Variants in STAG1 observed in about 807,000 individuals in gnomAD.
The protein encoded by STAG1 is cohesin subunit SA-1.
STAG1 carries 26 observed loss-of-function variants against 170.9 expected under a neutral mutation model. The ratio of observed to expected loss-of-function variants is 0.15; its 90% CI spans 0.11 to 0.21. The LOEUF is 0.21. STAG1 is among the 10% of genes least tolerant of loss of function. The pLI is 1.00. For synonymous variants in STAG1, 514 were observed against 497.7 expected, an observed-to-expected ratio of 1.03 and a Z score of -0.44; for missense variants, 964 against 1,509.5, an observed-to-expected ratio of 0.64 and a Z score of 5.99.
At chr3:136,348,660 G>C (rs1256593136) in intron 29 of STAG1, 1 of 152,852 alleles carries the variant, frequency 6.5e-6, no homozygotes, top group Non-Finnish European at 1.5e-5. Flanking sequence ...CTCCTTCCTT[G>C]GTCTCCTGAG....
At chr3:136,504,092 G>A (rs555186081) in intron 7 of STAG1, among the ~76,000 whole-genome samples, 3 of 151,858 alleles carry the variant, frequency 2.0e-5, no homozygotes, top group Non-Finnish European at 4.4e-5. Flanking sequence ...CATATAGTAT[G>A]TATGTATGCT....
intron 9 of STAG1, among the ~76,000 whole-genome samples, chr3:136,495,086 C>T (rs761942496): frequency 3.3e-5 from 5 of 152,154 alleles, no homozygotes; most frequent in African/African-American, 4.8e-5. Context: ...AAAGCATACT[C>T]AATGCAGGTG....
At chr3:136,666,686 G>C (rs1019341515) in intron 1 of STAG1, among the ~76,000 whole-genome samples, 7 of 152,054 alleles carry the variant, frequency 4.6e-5, no homozygotes, top group African/African-American at 1.7e-4. Context: ...AAGGCATGGT[G>C]GTGGGCACCT....
At position 136,339,998 on chromosome 3, in the gene STAG1, A is replaced by C. The variant is rs535788006; in HGVS notation, c.3672+493T>G. Among the ~76,000 whole-genome samples, 5 of 152,312 alleles carry C rather than the reference A, an allele frequency of 3.3e-5. No homozygotes were observed. The East Asian group carries it at 9.6e-4, about 29-fold the overall frequency. Reference sequence around the variant, plus strand: ...CTCTCTTCAAAGAAGGTAAAAAGAAAGAACCAGTTTCTGTTATTATCAGAA... The same window carrying C: ...CTCTCTTCAAAGAAGGTAAAAAGAACGAACCAGTTTCTGTTATTATCAGAA... On this transcript the variant is annotated intron_variant, in intron 32 of 33. Transcript: ENST00000383202.
At chr3:136,419,255 T>A (rs1318781241) in intron 20 of STAG1, among the ~76,000 whole-genome samples, 5 of 152,084 alleles carry the variant, frequency 3.3e-5, no homozygotes, top group Admixed American at 6.6e-5. Flanking sequence ...CTAAAAAAAA[T>A]TTACTTGTAT....
chr3:136,427,259 T>C (rs923777352), intron 16 of STAG1, among the ~76,000 whole-genome samples: 1 of 151,884 alleles, frequency 6.6e-6, no homozygotes, highest in African/African-American at 2.4e-5. Context: ...GTATTAATCA[T>C]AACTGTACAG....
chr3:136,342,247 C>T (rs1429763946), intron 30 of STAG1, among the ~76,000 whole-genome samples: 10 of 152,030 alleles, frequency 6.6e-5, no homozygotes, highest in Admixed American at 5.9e-4. Flanking sequence ...TCTCGATCTC[C>T]TGACCTTGTG....
In STAG1 at chr3:136,404,690, C is replaced by G. The variant is rs2087426008; in HGVS notation, c.2197-5861G>C. ...TTTATCTCTGACTAGCTGGCTGAAT[C>G]AGTGAGAATCATTCAGCTTGTGGCT... On this transcript the variant is annotated intron_variant, in intron 21 of 33. Transcript: ENST00000383202. Among the ~76,000 whole-genome samples, 6 of 152,160 alleles carry G rather than the reference C, an allele frequency of 3.9e-5. No individual in the cohort carries two copies. In the South Asian group the frequency reaches 1.2e-3, roughly 32 times the overall value.
intron 1 of STAG1, among the ~76,000 whole-genome samples, chr3:136,717,863 A>C (rs1395341929): frequency 2.6e-5 from 4 of 152,204 alleles, no homozygotes; most frequent in Non-Finnish European, 5.9e-5. Flanking sequence ...GCAGTAATAA[A>C]ATGAATTCAA....
At chr3:136,735,668 A>G (rs1934291475) in intron 1 of STAG1, among the ~76,000 whole-genome samples, 1 of 151,894 alleles carries the variant, frequency 6.6e-6, no homozygotes, top group African/African-American at 2.4e-5. Context: ...ACTGGAGTGC[A>G]ATGGCGCGAT....
intron 22 of STAG1, among the ~76,000 whole-genome samples, chr3:136,385,613 C>T (rs1023120233): frequency 1.3e-5 from 2 of 151,926 alleles, no homozygotes; most frequent in African/African-American, 4.8e-5. Context: ...CTAGTGAAAC[C>T]GAGAATTAGA....
rs561349639 is a variant in STAG1 at position 136,672,815 on chromosome 3, A to G, written c.-83-41834T>C. The stretch of plus-strand genomic sequence containing the variant: ...GGTAAAGTTCATATTTTAAAATATA[A>G]CAGTATTGTTAGACAAAGACCATGG... On this transcript the variant is annotated intron_variant, in intron 1 of 33. Coordinates refer to ENST00000383202, the MANE Select transcript of STAG1 (RefSeq NM_005862.3). Among the ~76,000 whole-genome samples, 25 of 152,362 alleles carry G rather than the reference A, an allele frequency of 1.6e-4. No individual in the cohort carries two copies. In the East Asian group the frequency reaches 4.4e-3, roughly 27 times the overall value.
In STAG1 at chr3:136,338,980, CATG is replaced by C. The variant is rs534116475; in HGVS notation, c.3673-533_3673-531del. ...CTGAATTATGTCCCTTCAAAATGTG[CATG>C]ATGCTGAAGTCCTAATCCAGTACCT... On this transcript the variant is annotated intron_variant, in intron 32 of 33. Coordinates refer to ENST00000383202, the MANE Select transcript of STAG1 (RefSeq NM_005862.3). 1.9e-4 allele frequency among the ~76,000 whole-genome samples: 29 copies of C among 152,294 alleles called. 1 individual carries two copies. The South Asian group carries it at 4.8e-3, about 25-fold the overall frequency.
At position 136,372,412 on chromosome 3, in the gene STAG1, T is replaced by A. The variant is rs1247545258; in HGVS notation, c.2371-3130A>T. On this transcript the variant is annotated intron_variant, in intron 23 of 33. Transcript: ENST00000383202. ...TGAATAGGAGTGGTGAGAGAGGGCA[T>A]CCCTGTCTTGTGCCAGTTTTCAAAG... 2.0e-5 allele frequency among the ~76,000 whole-genome samples: 3 copies of A among 152,328 alleles called. No homozygotes were observed. In the East Asian group the frequency reaches 5.8e-4, roughly 29 times the overall value.
intron 1 of STAG1, among the ~76,000 whole-genome samples, chr3:136,708,382 T>A (rs1210283603): frequency 6.6e-6 from 1 of 151,878 alleles, no homozygotes; most frequent in Non-Finnish European, 1.5e-5. Flanking sequence ...ATTATATAAT[T>A]TTATTTATAA....
At chr3:136,698,590 T>C (rs2107905163) in intron 1 of STAG1, among the ~76,000 whole-genome samples, 1 of 152,304 alleles carries the variant, frequency 6.6e-6, no homozygotes, top group African/African-American at 2.4e-5. Context: ...GTATGGAGAT[T>C]ACTTAAACAA....
chr3:136,671,765 C>CA (rs773333452), intron 1 of STAG1, among the ~76,000 whole-genome samples: 71 of 151,902 alleles, frequency 4.7e-4, no homozygotes, highest in Non-Finnish European at 9.1e-4. Flanking sequence ...ACCTGTAGTT[C>CA]GTGTTATTTT....
chr3:136,736,873 C>G, intron 1 of STAG1: 2 of 1,584,416 alleles, frequency 1.3e-6, no homozygotes, highest in Non-Finnish European at 1.7e-6. Flanking sequence ...GTATTCTTTT[C>G]CTGCCTGAAT....
chr3:136,546,840 C>T (rs4678433), intron 5 of STAG1, among the ~76,000 whole-genome samples: 110,532 of 152,090 alleles, frequency 0.73, 40,211 homozygotes, highest in East Asian at 0.86. Context: ...TTTGAGACTA[C>T]TTAAGATTCT....
Sources: allele counts gnomAD v4.1 joint callset (sites outside exome capture counted in the v4.1 genomes callset), GRCh38; gene constraint gnomAD v4.1.1; transcripts MANE v1.5; gene names NCBI Gene and HGNC (gene_info 2026-07-23, HGNC 2026-07-21).